SBF2: variants seen among roughly 807,000 people sequenced by gnomAD.
SBF2 encodes the protein SET binding factor 2, also known as myotubularin-related protein 13.
SBF2 carries 112 observed loss-of-function variants against 225.2 expected under a neutral mutation model. That is an observed-to-expected ratio of 0.50 (90% CI 0.43 to 0.58). The LOEUF is 0.58. SBF2 is among the 20% of genes least tolerant of loss of function. The probability of loss-of-function intolerance (pLI) is 0.00; values close to 1 mark genes in which losing one functional copy is unlikely to be tolerated. For missense variants in SBF2, 1,996 were observed against 2,206.2 expected (o/e 0.90, Z 1.91); for synonymous variants, 763 against 773.3 (o/e 0.99, Z 0.22).
intron 2 of SBF2, among the ~76,000 whole-genome samples, chr11:10,074,051 C>T (rs1464297102): frequency 2.0e-5 from 3 of 152,060 alleles, no homozygotes; most frequent in Non-Finnish European, 4.4e-5. Flanking sequence ...TAGACAATTT[C>T]GTATGATTCA....
intron 3 of SBF2, among the ~76,000 whole-genome samples, chr11:10,039,642 T>C (rs915219123): frequency 6.6e-6 from 1 of 151,976 alleles, no homozygotes; most frequent in Non-Finnish European, 1.5e-5. Flanking sequence ...AAATAACTTC[T>C]TGACATATGG....
intron 1 of SBF2, among the ~76,000 whole-genome samples, chr11:10,256,227 CA>C (rs1263456121): frequency 2.6e-5 from 4 of 152,158 alleles, no homozygotes; most frequent in African/African-American, 9.7e-5. Flanking sequence ...TGATTATTGT[CA>C]AAATTTAGCT....
chr11:10,231,916 C>T (rs1006806567), intron 1 of SBF2, among the ~76,000 whole-genome samples: 2 of 152,244 alleles, frequency 1.3e-5, no homozygotes, highest in Non-Finnish European at 2.9e-5. Context: ...GTGGAGCCTA[C>T]AGAGGCAGGC....
chr11:9,925,898 G>C (rs929376292), intron 16 of SBF2, among the ~76,000 whole-genome samples: 2 of 152,116 alleles, frequency 1.3e-5, no homozygotes, highest in African/African-American at 4.8e-5. Flanking sequence ...TACTGAACTT[G>C]TTATAGGGCA....
intron 13 of SBF2, among the ~76,000 whole-genome samples, chr11:9,986,215 A>T (rs538643329): frequency 4.6e-5 from 7 of 152,294 alleles, no homozygotes; most frequent in South Asian, 4.1e-4. Flanking sequence ...GATGGAAATT[A>T]AAAAATTCTT....
intron 2 of SBF2, among the ~76,000 whole-genome samples, chr11:10,045,223 A>G (rs796897109): frequency 5.3e-5 from 8 of 149,958 alleles, no homozygotes; most frequent in African/African-American, 2.0e-4. Flanking sequence ...GCTGGAGTGC[A>G]GTGGCACGAT....
intron 38 of SBF2, among the ~76,000 whole-genome samples, chr11:9,783,632 A>T (rs1419445231): frequency 1.3e-5 from 2 of 152,214 alleles, no homozygotes; most frequent in Non-Finnish European, 2.9e-5. Context: ...AGTAAAGACT[A>T]TGATGCTAAG....
intron 1 of SBF2, among the ~76,000 whole-genome samples, chr11:10,273,228 C>T (rs1228265105): frequency 6.6e-6 from 1 of 152,096 alleles, no homozygotes; most frequent in Admixed American, 6.6e-5. Flanking sequence ...ACCCATTGTA[C>T]AAAAGGGAGT....
At chr11:10,228,746 A>C (rs1454325502) in intron 1 of SBF2, among the ~76,000 whole-genome samples, 1 of 152,164 alleles carries the variant, frequency 6.6e-6, no homozygotes, top group Admixed American at 6.5e-5. Flanking sequence ...GGATTTTTGC[A>C]TCAATGTTCA....
intron 2 of SBF2, among the ~76,000 whole-genome samples, chr11:10,111,230 T>A (rs1952823419): frequency 6.6e-6 from 1 of 152,064 alleles, no homozygotes; most frequent in African/African-American, 2.4e-5. Context: ...TACTTCATGC[T>A]TGCTCCAAAA....
At chr11:10,288,795 G>A (rs573307814) in intron 1 of SBF2, among the ~76,000 whole-genome samples, 1 of 152,290 alleles carries the variant, frequency 6.6e-6, no homozygotes, top group East Asian at 1.9e-4. Context: ...GCTCTGGGCT[G>A]AGCCTGCAAC....
chr11:9,784,530 CTA>C (rs908005987), intron 37 of SBF2, 92 bp from the exon 38 acceptor site: 1 of 971,764 alleles, frequency 1.0e-6, no homozygotes, highest in African/African-American at 1.6e-5. Flanking sequence ...TGTCAAGTCT[CTA>C]TTTCCCCTAG....
intron 2 of SBF2, among the ~76,000 whole-genome samples, chr11:10,136,400 G>A (rs1954356810): frequency 6.6e-6 from 1 of 152,126 alleles, no homozygotes; most frequent in South Asian, 2.1e-4. Context: ...GAAAGACCAA[G>A]CCATAATTTG....
At chr11:9,949,161 ACT>A (rs758994927) in intron 16 of SBF2, among the ~76,000 whole-genome samples, 1 of 152,148 alleles carries the variant, frequency 6.6e-6, no homozygotes, top group Admixed American at 6.5e-5. Context: ...AAAAAATTTT[ACT>A]TTTTAGTTGT....
At chr11:9,958,739 T>C in intron 16 of SBF2, 1 of 416,210 alleles carries the variant, frequency 2.4e-6, no homozygotes. Context: ...TCTAGTTCAC[T>C]TAGTTTTTGT....
At chr11:9,826,818 C>A (rs1409159907) in intron 28 of SBF2, among the ~76,000 whole-genome samples, 9 of 151,260 alleles carry the variant, frequency 6.0e-5, no homozygotes, top group Non-Finnish European at 1.3e-4. Context: ...GAGTTTTGCT[C>A]TTGTTGCCCA....
chr11:9,975,085 A>G (rs548378295), intron 13 of SBF2, among the ~76,000 whole-genome samples: 1 of 152,186 alleles, frequency 6.6e-6, no homozygotes, highest in African/African-American at 2.4e-5. Flanking sequence ...AATAACGTAG[A>G]CACTTGAGAA....
intron 2 of SBF2, among the ~76,000 whole-genome samples, chr11:10,151,666 T>A (rs533237204): frequency 6.6e-6 from 1 of 152,362 alleles, no homozygotes; most frequent in Non-Finnish European, 1.5e-5. Flanking sequence ...AATGTGATGA[T>A]TTCCTGAATA....
At chr11:9,941,380 T>C (rs1232218661) in intron 16 of SBF2, among the ~76,000 whole-genome samples, 2 of 152,128 alleles carry the variant, frequency 1.3e-5, no homozygotes, top group East Asian at 3.8e-4. Context: ...TAAGGTGGCT[T>C]TACTGGTGAG....
Sources: allele counts gnomAD v4.1 joint callset (sites outside exome capture counted in the v4.1 genomes callset), GRCh38; gene constraint gnomAD v4.1.1; transcripts MANE v1.5; gene names NCBI Gene and HGNC (gene_info 2026-07-23, HGNC 2026-07-21).